Variants in ZNF441 observed in about 807,000 individuals in gnomAD.
The protein encoded by ZNF441 is zinc finger protein 441.
In ZNF441, 25 loss-of-function variants were observed where a neutral mutation model predicts 64.5. That is an observed-to-expected ratio of 0.39 (90% CI 0.28 to 0.54). ZNF441 has a LOEUF of 0.54. Among genes scored for constraint, ZNF441 ranks in the 20% least tolerant of loss-of-function variants. The pLI, the probability that ZNF441 is intolerant of heterozygous loss-of-function variation, is 0.70. For synonymous variants in ZNF441, 262 were observed against 268.0 expected (o/e 0.98, Z 0.22); for missense variants, 715 against 843.3 (o/e 0.85, Z 1.88).
chr19:11,768,145 TCCTAACTCCTCCTAGGGCCGA>T (rs576148168), intron 1 of ZNF441, among the ~76,000 whole-genome samples: 19 of 152,228 alleles, frequency 1.2e-4, no homozygotes, highest in African/African-American at 3.9e-4. Context: ...TGTTCTCTCA[TCCTAACTCCTCCTAGGGCCGA>T]CAGAAAATCC....
intron 1 of ZNF441, among the ~76,000 whole-genome samples, chr19:11,775,628 C>CTTTTTTT (rs34732395): frequency 2.7e-5 from 3 of 110,644 alleles, no homozygotes; most frequent in African/African-American, 1.1e-4. Context: ...CGCGCCCAGC[C>CTTTTTTT]TTTTTTTTTT....
intron 1 of ZNF441, among the ~76,000 whole-genome samples, chr19:11,769,452 G>T (rs910938907): frequency 1.5e-4 from 23 of 152,072 alleles, no homozygotes; most frequent in African/African-American, 5.6e-4. Context: ...ATTGGTTTAT[G>T]TATCCATCAG....
chr19:11,772,956 TA>T (rs1470253683), intron 1 of ZNF441, among the ~76,000 whole-genome samples: 2 of 152,148 alleles, frequency 1.3e-5, no homozygotes. Flanking sequence ...CACGCCCGAC[TA>T]ATTTTTTGTA....
rs541945150 is a variant in ZNF441, at chr19:11,773,531, A to C, written c.4-4080A>C. Among the ~76,000 whole-genome samples the C allele has an allele frequency of 7.9e-5, 12 of 152,284 alleles. No individual in the cohort carries two copies. The South Asian group carries it at 2.1e-3, about 26-fold the overall frequency. ...GATTTTCTGCCAAACTGATCTGTCA[A>C]TTATTGAAAGAGGTGAGTTGTTTTT... On this transcript the variant is annotated intron_variant, in intron 1 of 3. Transcript: ENST00000357901.
In ZNF441 at chr19:11,767,142, C is replaced by A; in HGVS notation, c.-52C>A. On this transcript the variant is annotated 5_prime_UTR_variant, in exon 1 of 4. Transcript: ENST00000357901. The surrounding 1 kb of genome is among the most constrained non-coding windows in gnomAD (Gnocchi z 5.1). ...TGGCAGCTTCTGTCTCGCTGGGACC[C>A]GCACTGACAGCGGGAGGCAGAGGGA... 6.4e-7 allele frequency: 1 copy of A among 1,553,638 alleles called. No homozygotes were observed.
Position 11,783,977 on chromosome 19 carries a change from A to G in ZNF441, c.*2071A>G, listed in dbSNP as rs1975424934. ...TGGATACCCCAAATACGCTGACTTG[A>G]CCATTACACATTCTATGCATGCAAG... On this transcript the variant is annotated 3_prime_UTR_variant, in exon 4 of 4. Transcript: ENST00000357901. The G allele has an allele frequency of 6.6e-6, 1 of 152,214 alleles. No individual in the cohort carries two copies. Among genetic ancestry groups the G allele is most frequent in the Non-Finnish European group, 1.5e-5 (1 of 68,038 alleles). The allele number at this position is 152,214 out of a possible 1,614,324, so 9.4% of individuals were successfully genotyped here. A position where few individuals can be genotyped will look rare whatever the true frequency, so the allele number is the denominator to read the frequency against.
Position 11,783,936 on chromosome 19 carries a change from T to TAA in ZNF441, c.*2032_*2033dup. The TAA allele has an allele frequency of 6.6e-6, 1 of 152,334 alleles. No homozygotes were observed. The highest frequency in any genetic ancestry group is 2.4e-5 in the African/African-American group (1 of 41,582). The allele number at this position is 152,334 out of a possible 1,614,324, so 9.4% of individuals were successfully genotyped here. On this transcript the variant is annotated 3_prime_UTR_variant, in exon 4 of 4. Transcript: ENST00000357901. ...AAATGTTACCAACACATAGAAGTGG[T>TAA]AAATACTCAAGATCATGGATACCCC...
chr19:11,775,785 A>C (rs188113917), intron 1 of ZNF441, among the ~76,000 whole-genome samples: 1 of 150,946 alleles, frequency 6.6e-6, no homozygotes, highest in Non-Finnish European at 1.5e-5. Flanking sequence ...CCGCCACCAC[A>C]CCTGACTAAT....
In ZNF441 at chr19:11,781,759, T is replaced by C. The variant is rs1192718498; in HGVS notation, c.1935T>C (p.Cys645=). The C allele has an allele frequency of 6.2e-7, 1 of 1,614,020 alleles. No homozygotes were observed. The highest frequency in any genetic ancestry group is 8.5e-7 in the Non-Finnish European group (1 of 1,179,992). ...RVHTGEKPYK[C]KECGKPFHCP... is the part of the protein sequence containing the mutation. ...ATACTGGAGAGAAGCCGTATAAATGTAAGGAATGTGGGAAACCATTCCATT... is the reference window on the plus strand; with the variant it reads ...ATACTGGAGAGAAGCCGTATAAATGCAAGGAATGTGGGAAACCATTCCATT... The change falls in exon 4 of 4, where the codon TGT becomes TGC. Residue 645 remains cysteine, a synonymous_variant. Transcript: ENST00000357901.
Position 11,784,051 on chromosome 19 carries a change from G to A in ZNF441, c.*2145G>A, listed in dbSNP as rs1304036372. ...ATATGTAAAATATGTATCAATAAAA[G>A]AAAATATATAAGATAGTTTTAAAAT... On this transcript the variant is annotated 3_prime_UTR_variant, in exon 4 of 4. Coordinates refer to ENST00000357901, the MANE Select transcript of ZNF441 (RefSeq NM_152355.3). The A allele has an allele frequency of 6.6e-6, 1 of 152,102 alleles. No individual in the cohort carries two copies. Among genetic ancestry groups the A allele is most frequent in the Non-Finnish European group, 1.5e-5 (1 of 68,012 alleles). The allele number at this position is 152,102 out of a possible 1,614,324, so 9.4% of individuals were successfully genotyped here.
chr19:11,779,134 C>T (rs553770618), intron 3 of ZNF441, among the ~76,000 whole-genome samples: 5 of 152,140 alleles, frequency 3.3e-5, no homozygotes, highest in African/African-American at 7.2e-5. Context: ...GCCTGGGCAA[C>T]GTGGCAAGAC....
At chr19:11,777,800 C>G in intron 2 of ZNF441, 63 bp downstream of exon 2, 3 of 1,559,306 alleles carry the variant, frequency 1.9e-6, no homozygotes, top group Non-Finnish European at 2.6e-6. Flanking sequence ...GTCATCAATG[C>G]TGTTCAATTA....
chr19:11,776,509 G>A (rs910592397), intron 1 of ZNF441, among the ~76,000 whole-genome samples: 14 of 152,298 alleles, frequency 9.2e-5, no homozygotes, highest in African/African-American at 3.1e-4. Flanking sequence ...AAAAAGGTCT[G>A]TTTAGGGATT....
chr19:11,769,026 G>A (rs1286824618), intron 1 of ZNF441, among the ~76,000 whole-genome samples: 1 of 152,162 alleles, frequency 6.6e-6, no homozygotes, highest in Non-Finnish European at 1.5e-5. Flanking sequence ...CCAGGTGATA[G>A]GAGGACCTGA....
In ZNF441 at chr19:11,767,689, G is replaced by T. The variant is rs1975281828; in HGVS notation, c.3+493G>T. 6.6e-6 allele frequency among the ~76,000 whole-genome samples: 1 copy of T among 152,178 alleles called. No homozygotes were observed. Among genetic ancestry groups the T allele is most frequent in the African/African-American group, 2.4e-5 (1 of 41,450 alleles). The stretch of plus-strand genomic sequence containing the variant: ...TCTTGGGACTGGAGGTGAAGAAACC[G>T]CATTCTTCTGCTGAGTGGGTTCCCT... On this transcript the variant is annotated intron_variant, in intron 1 of 3. Coordinates refer to ENST00000357901, the MANE Select transcript of ZNF441 (RefSeq NM_152355.3). This position sits in a 1 kb window ranked among gnomAD's most constrained non-coding sequence, Gnocchi z 5.1.
At position 11,777,782 on chromosome 19, in the gene ZNF441, G is replaced by A. The variant is rs2145082598; in HGVS notation, c.130+45G>A. Reference sequence around the variant, plus strand: ...TTCACTTAGTCAATTAGAGACATTTGTTTCTTGGTCATCAATGCTGTTCAA... The same window carrying A: ...TTCACTTAGTCAATTAGAGACATTTATTTCTTGGTCATCAATGCTGTTCAA... On this transcript the variant is annotated intron_variant, in intron 2 of 3. Transcript: ENST00000357901. 3 of 1,580,114 alleles carry A rather than the reference G, an allele frequency of 1.9e-6. No homozygotes were observed. The East Asian group carries it at 6.9e-5, about 36-fold the overall frequency.
At chr19:11,776,923 C>T (rs982572526) in intron 1 of ZNF441, among the ~76,000 whole-genome samples, 4 of 152,092 alleles carry the variant, frequency 2.6e-5, no homozygotes, top group South Asian at 4.1e-4. Flanking sequence ...ATTCTCCTGC[C>T]GCAGCCTCCT....
intron 1 of ZNF441, among the ~76,000 whole-genome samples, chr19:11,776,315 A>G (rs781756725): frequency 2.0e-5 from 3 of 152,104 alleles, no homozygotes; most frequent in African/African-American, 7.2e-5. Flanking sequence ...CTTTCCTACT[A>G]TTTGTCACCT....
intron 3 of ZNF441, 132 bp from the exon 4 acceptor site, chr19:11,779,887 G>A: frequency 1.3e-6 from 1 of 797,144 alleles, no homozygotes; most frequent in Non-Finnish European, 1.9e-6. Context: ...CTCCAGCCTG[G>A]GCAACAGAGC....
Sources: allele counts gnomAD v4.1 joint callset (sites outside exome capture counted in the v4.1 genomes callset), GRCh38; gene constraint gnomAD v4.1.1; non-coding constraint Gnocchi (gnomAD v3.1); transcripts MANE v1.5; gene names NCBI Gene and HGNC (gene_info 2026-07-23, HGNC 2026-07-21).